ASTN2: variants seen among roughly 807,000 people sequenced by gnomAD.
ASTN2 encodes astrotactin-2.
In ASTN2, 54 loss-of-function variants were observed where a neutral mutation model predicts 139.8. The ratio of observed to expected loss-of-function variants is 0.39; its 90% CI spans 0.31 to 0.48. The LOEUF is 0.48. Ranked by LOEUF, ASTN2 falls within the 20% of genes least tolerant of loss-of-function variation. The pLI, the probability that ASTN2 is intolerant of heterozygous loss-of-function variation, is 0.95. For missense variants in ASTN2, 1,565 were observed against 1,725.1 expected (o/e 0.91, Z 1.64); for synonymous variants, 756 against 719.5 (o/e 1.05, Z -0.81).
At chr9:116,763,781 C>T (rs941851536) in intron 13 of ASTN2, among the ~76,000 whole-genome samples, 1 of 152,210 alleles carries the variant, frequency 6.6e-6, no homozygotes, top group Non-Finnish European at 1.5e-5. Flanking sequence ...TGCATTCCAG[C>T]ATTGGGTTAA....
chr9:116,745,836 T>C (rs143912934), intron 13 of ASTN2, among the ~76,000 whole-genome samples: 87 of 152,376 alleles, frequency 5.7e-4, no homozygotes, highest in African/African-American at 2.1e-3. Flanking sequence ...ATTAGCATTC[T>C]ATTGCAGCTG....
At chr9:117,010,084 G>T (rs1379023348) in intron 6 of ASTN2, among the ~76,000 whole-genome samples, 1 of 152,194 alleles carries the variant, frequency 6.6e-6, no homozygotes, top group Admixed American at 6.5e-5. Context: ...AGGGGTCTTT[G>T]TGAAGTAGGA....
intron 7 of ASTN2, among the ~76,000 whole-genome samples, chr9:116,982,790 T>C (rs559085811): frequency 3.3e-5 from 5 of 152,310 alleles, no homozygotes; most frequent in South Asian, 4.1e-4. Context: ...TGAGATCTTG[T>C]TCAAATTCCA....
At position 117,060,506 on chromosome 9, in the gene ASTN2, A is replaced by AAGGAAGGAAGGAAGGAAGG. The variant is rs1564406817; in HGVS notation, c.1277-20542_1277-20541insCCTTCCTTCCTTCCTTCCT. On this transcript the variant is annotated intron_variant, in intron 5 of 22. Transcript: ENST00000313400. ...GAAGGAATGAAAGAAAGAAAGAAAG[A>AAGGAAGGAAGGAAGGAAGG]AAGAAAGGAAGGAAGGAAGGAAGGA... 3.6e-5 allele frequency among the ~76,000 whole-genome samples: 3 copies of AAGGAAGGAAGGAAGGAAGG among 82,226 alleles called. No individual in the cohort carries two copies. In the South Asian group the frequency reaches 1.6e-3, roughly 44 times the overall value. 53.9% of individuals were successfully genotyped at this position (82,226 alleles called of 152,430 possible).
At chr9:116,503,180 AGGAG>A (rs1479814252) in intron 19 of ASTN2, among the ~76,000 whole-genome samples, 1 of 150,632 alleles carries the variant, frequency 6.6e-6, no homozygotes, top group Non-Finnish European at 1.5e-5. Context: ...AGAAGGAAGA[AGGAG>A]GGAGGAAGGA....
chr9:116,436,116 C>T lies in ASTN2; in HGVS notation c.3782+4493G>A, dbSNP rs115467394. 5.2e-3 allele frequency among the ~76,000 whole-genome samples: 785 copies of T among 152,294 alleles called. 12 individuals are homozygous for T. The highest frequency in any genetic ancestry group is 0.018 in the African/African-American group (737 of 41,556). ...CTCTGTATTTTTAGCCCCCAGCACA[C>T]GGCCTGACACATAGTTAGCACATTA... On this transcript the variant is annotated intron_variant, in intron 22 of 22. Transcript: ENST00000313400.
At chr9:117,288,604 A>C (rs1834507393) in intron 2 of ASTN2, among the ~76,000 whole-genome samples, 1 of 152,220 alleles carries the variant, frequency 6.6e-6, no homozygotes, top group African/African-American at 2.4e-5. Flanking sequence ...AGACTTAGAC[A>C]AATCAATTAA....
intron 10 of ASTN2, among the ~76,000 whole-genome samples, chr9:116,881,226 C>T (rs1833443592): frequency 6.6e-6 from 1 of 152,142 alleles, no homozygotes; most frequent in African/African-American, 2.4e-5. Flanking sequence ...GCTCACCAGG[C>T]CCAGTCACGT....
At chr9:116,752,395 AT>A (rs1829423861) in intron 13 of ASTN2, among the ~76,000 whole-genome samples, 1 of 152,236 alleles carries the variant, frequency 6.6e-6, no homozygotes, top group Non-Finnish European at 1.5e-5. Context: ...ACTCAAAATT[AT>A]TGTAAGTCTA....
intron 5 of ASTN2, among the ~76,000 whole-genome samples, chr9:117,087,652 A>G (rs965490095): frequency 6.6e-6 from 1 of 152,184 alleles, no homozygotes; most frequent in African/African-American, 2.4e-5. Context: ...TGCATGGTGG[A>G]TGCACTCGGC....
At chr9:116,737,648 T>TGTGTGTGTGTGTGTG (rs1564240868) in intron 13 of ASTN2, among the ~76,000 whole-genome samples, 1 of 148,694 alleles carries the variant, frequency 6.7e-6, no homozygotes, top group Non-Finnish European at 1.5e-5. Context: ...TGTGTGTGTG[T>TGTGTGTGTGTGTGTG]AGTAAAAGCT....
intron 16 of ASTN2, among the ~76,000 whole-genome samples, chr9:116,704,583 C>G (rs1827942211): frequency 6.6e-6 from 1 of 152,206 alleles, no homozygotes; most frequent in Non-Finnish European, 1.5e-5. Context: ...GGGGCAAAAG[C>G]ATCCTTCCCT....
At chr9:117,375,051 C>T (rs1451365463) in intron 1 of ASTN2, among the ~76,000 whole-genome samples, 1 of 152,164 alleles carries the variant, frequency 6.6e-6, no homozygotes, top group Non-Finnish European at 1.5e-5. Flanking sequence ...CTGGGGTTTA[C>T]TTAGTTAGTA....
chr9:117,136,621 C>G (rs1829957162), intron 4 of ASTN2, among the ~76,000 whole-genome samples: 1 of 152,112 alleles, frequency 6.6e-6, no homozygotes. Flanking sequence ...GATCACCCAG[C>G]TGTCAGGGTA....
intron 4 of ASTN2, among the ~76,000 whole-genome samples, chr9:117,133,623 A>C (rs946482716): frequency 6.6e-6 from 1 of 152,220 alleles, no homozygotes; most frequent in Admixed American, 6.5e-5. Flanking sequence ...TGTGCACTTG[A>C]GAGTAATTAA....
chr9:117,095,003 G>A (rs1828804306), intron 5 of ASTN2, among the ~76,000 whole-genome samples: 1 of 152,198 alleles, frequency 6.6e-6, no homozygotes, highest in Admixed American at 6.5e-5. Flanking sequence ...CATGCAGCAT[G>A]GTTTGTGAGA....
intron 5 of ASTN2, among the ~76,000 whole-genome samples, chr9:117,061,957 C>T (rs1313197038): frequency 1.3e-5 from 2 of 152,206 alleles, no homozygotes; most frequent in African/African-American, 4.8e-5. Context: ...CTCATTACAA[C>T]ACTGTCCATA....
intron 19 of ASTN2, chr9:116,613,388 C>A (rs916780244): frequency 1.3e-5 from 2 of 152,182 alleles, no homozygotes; most frequent in African/African-American, 4.8e-5. Context: ...AGGCCAACAT[C>A]ATCCTGATAC....
At chr9:116,912,657 T>C (rs1834346832) in intron 10 of ASTN2, among the ~76,000 whole-genome samples, 1 of 152,168 alleles carries the variant, frequency 6.6e-6, no homozygotes, top group African/African-American at 2.4e-5. Context: ...TGCCCTTTCG[T>C]TATTTTCTTT....
Sources: gnomAD v4.1 joint callset for allele counts (sites outside exome capture counted in the v4.1 genomes callset) on GRCh38, gnomAD v4.1.1 for gene constraint, MANE v1.5 for transcripts, NCBI Gene and HGNC (gene_info 2026-07-23, HGNC 2026-07-21) for gene names.